The following ATP13A5 variants were observed in gnomAD, a reference collection of about 807,000 sequenced individuals.
ATP13A5 encodes the protein probable cation-transporting ATPase 13A5.
Under a neutral mutation model 150.2 loss-of-function variants are expected in ATP13A5, and 149 were observed. That is an observed-to-expected ratio of 0.99 (90% CI 0.87 to 1.14). ATP13A5 has a LOEUF of 1.14. Ranked by LOEUF, ATP13A5 falls within the 50% of genes most tolerant of loss-of-function variation. ATP13A5 has a pLI of 0.00. For missense variants in ATP13A5, 1,383 were observed against 1,449.3 expected (o/e 0.95, Z 0.74); for synonymous variants, 497 against 522.2 (o/e 0.95, Z 0.66).
At chr3:193,353,701 A>G (rs12497804) in intron 6 of ATP13A5, among the ~76,000 whole-genome samples, 82,386 of 152,088 alleles carry the variant, frequency 0.54, 22,545 homozygotes, top group African/African-American at 0.61. Flanking sequence ...CATAAAGAAC[A>G]CAGTAGTCTG....
At chr3:193,351,312 C>T in intron 6 of ATP13A5, 111 bp from the exon 7 acceptor site, 4 of 1,247,022 alleles carry the variant, frequency 3.2e-6, no homozygotes, top group South Asian at 1.4e-5. Context: ...ATACACAAAC[C>T]TCTAATATTT....
At chr3:193,276,925 C>G in intron 28 of ATP13A5, 95 bp from the exon 29 acceptor site, 2 of 943,902 alleles carry the variant, frequency 2.1e-6, no homozygotes, top group Non-Finnish European at 3.2e-6. Flanking sequence ...TGTAATAACT[C>G]TCTGAGCTTA....
chr3:193,276,693 G>T, intron 29 of ATP13A5, 57 bp downstream of exon 29: 1 of 1,294,556 alleles, frequency 7.7e-7, no homozygotes, highest in Non-Finnish European at 1.1e-6. Context: ...AGCACCTGCT[G>T]AAAATGAGAT....
rs774293165 is a variant in ATP13A5, at chr3:193,344,023, G to A, written c.847C>T (p.Pro283Ser). The part of the protein sequence containing the change: ...LEELESRLLV[P>S]GDILILPGKF... Reference sequence around the variant, plus strand: ...CCTGGAAGAATAAGAATGTCTCCGGGAACCAAGAGACGGGATTCCAGCTCC... The same window carrying A: ...CCTGGAAGAATAAGAATGTCTCCGGAAACCAAGAGACGGGATTCCAGCTCC... The change falls in exon 9 of 30, where the codon CCC becomes TCC. Residue 283 changes from proline (P) to serine (S), a missense_variant. Physicochemically the swap from Pro to Ser is moderately conservative, Grantham distance 74. Coordinates refer to ENST00000342358, the MANE Select transcript of ATP13A5 (RefSeq NM_198505.4). 11 of 1,613,284 alleles carry A rather than the reference G, an allele frequency of 6.8e-6. No homozygotes were observed. Among genetic ancestry groups the A allele is most frequent in the Non-Finnish European group, 9.3e-6 (11 of 1,179,542 alleles).
At chr3:193,337,265 GC>G (rs1299795248) in intron 9 of ATP13A5, among the ~76,000 whole-genome samples, 1 of 152,066 alleles carries the variant, frequency 6.6e-6, no homozygotes, top group Non-Finnish European at 1.5e-5. Flanking sequence ...GTCAATTTTG[GC>G]TTTTGTTGCC....
chr3:193,320,052 T>G (rs1348898113), intron 16 of ATP13A5, among the ~76,000 whole-genome samples: 1 of 152,242 alleles, frequency 6.6e-6, no homozygotes, highest in South Asian at 2.1e-4. Context: ...CAATCACAAC[T>G]ATGTTTATAA....
rs560382451 is a variant in ATP13A5, at chr3:193,322,422, G to A, written c.1758+69C>T. The A allele has an allele frequency of 2.7e-5, 32 of 1,195,772 alleles. 1 individual carries two copies. The East Asian group carries it at 6.1e-4, about 23-fold the overall frequency. The allele number at this position is 1,195,772 out of a possible 1,614,324, so 74.1% of individuals were successfully genotyped here. A position where few individuals can be genotyped will look rare whatever the true frequency, so the allele number is the denominator to read the frequency against. Reference sequence around the variant, plus strand: ...CAAAATAATAGGACTATAAAAATATGTGCAAGTCAGAAATGTTTTACCAGT... The same window carrying A: ...CAAAATAATAGGACTATAAAAATATATGCAAGTCAGAAATGTTTTACCAGT... On this transcript the variant is annotated intron_variant, in intron 15 of 29. Transcript: ENST00000342358.
chr3:193,303,900 T>TACAC (rs199888384), intron 23 of ATP13A5, among the ~76,000 whole-genome samples: 380 of 145,672 alleles, frequency 2.6e-3, no homozygotes, highest in African/African-American at 8.9e-3. Context: ...TACATACACA[T>TACAC]ACACACACAC....
At chr3:193,345,249 C>G (rs6774889) in intron 7 of ATP13A5, among the ~76,000 whole-genome samples, 174 bp from the exon 8 acceptor site, 136,493 of 152,192 alleles carry the variant, frequency 0.9, 61,786 homozygotes, top group East Asian at 0.97. Flanking sequence ...CACCTGACCC[C>G]CTATGTGCAG....
intron 24 of ATP13A5, among the ~76,000 whole-genome samples, chr3:193,300,771 A>C (rs1011913787): frequency 9.2e-5 from 14 of 152,144 alleles, no homozygotes; most frequent in Non-Finnish European, 1.5e-4. Context: ...TACCTTCAGG[A>C]ATAAGGGTCC....
intron 19 of ATP13A5, chr3:193,312,957 G>A (rs906244967): frequency 6.6e-6 from 1 of 152,160 alleles, no homozygotes; most frequent in Non-Finnish European, 1.5e-5. Context: ...GAGGAGGAAG[G>A]CCTGAAACTG....
At chr3:193,319,616 T>G (rs1277793791) in intron 16 of ATP13A5, among the ~76,000 whole-genome samples, 1 of 152,204 alleles carries the variant, frequency 6.6e-6, no homozygotes, top group East Asian at 1.9e-4. Flanking sequence ...TTTCTGTTGT[T>G]CAAGCACGCA....
intron 21 of ATP13A5, among the ~76,000 whole-genome samples, chr3:193,307,791 C>A (rs1718674413): frequency 6.6e-6 from 1 of 152,104 alleles, no homozygotes; most frequent in Non-Finnish European, 1.5e-5. Flanking sequence ...GCTCAAATAC[C>A]AGGATGAGAA....
intron 19 of ATP13A5, chr3:193,312,930 T>C (rs1718910092): frequency 6.6e-6 from 1 of 151,930 alleles, no homozygotes. Flanking sequence ...AGAGGAAGTA[T>C]GGTGGAGGGA....
chr3:193,377,484 A>G (rs996249924), intron 1 of ATP13A5, among the ~76,000 whole-genome samples: 4 of 152,148 alleles, frequency 2.6e-5, no homozygotes, highest in Admixed American at 1.3e-4. Context: ...TTTTTTTACT[A>G]AATTCTTCAA....
chr3:193,368,781 T>G (rs558147300), intron 1 of ATP13A5, among the ~76,000 whole-genome samples: 1 of 152,068 alleles, frequency 6.6e-6, no homozygotes, highest in Non-Finnish European at 1.5e-5. Flanking sequence ...TTGTACCATA[T>G]ACAAAAATTC....
intron 5 of ATP13A5, among the ~76,000 whole-genome samples, chr3:193,361,343 T>C (rs533102923): frequency 2.8e-4 from 42 of 152,332 alleles, no homozygotes; most frequent in Admixed American, 4.6e-4. Flanking sequence ...GAAAAACTTA[T>C]AAACAACAGA....
At chr3:193,357,334 G>T (rs11711556) in intron 5 of ATP13A5, among the ~76,000 whole-genome samples, 19,098 of 152,060 alleles carry the variant, frequency 0.13, 1,505 homozygotes, top group Non-Finnish European at 0.16. Flanking sequence ...ATGAGGACGG[G>T]GATCCAGTTG....
At chr3:193,372,743 T>C (rs1713496759) in intron 1 of ATP13A5, among the ~76,000 whole-genome samples, 1 of 152,244 alleles carries the variant, frequency 6.6e-6, no homozygotes, top group Non-Finnish European at 1.5e-5. Context: ...AAGTCACTGA[T>C]ACCCTCACCT....
Sources: allele counts gnomAD v4.1 joint callset (sites outside exome capture counted in the v4.1 genomes callset), GRCh38; gene constraint gnomAD v4.1.1; transcripts MANE v1.5; gene names NCBI Gene and HGNC (gene_info 2026-07-23, HGNC 2026-07-21).